The following LNX2 variants were observed in gnomAD, a reference collection of about 807,000 sequenced individuals.
LNX2 encodes ligand of Numb protein X 2.
LNX2 carries 35 observed loss-of-function variants against 66.2 expected under a neutral mutation model. That is an observed-to-expected ratio of 0.53 (90% CI 0.40 to 0.70). The LOEUF (loss-of-function observed/expected upper bound fraction) is 0.70, where lower values mean the gene tolerates loss of function less well. LNX2 is among the 30% of genes least tolerant of loss of function. The probability of loss-of-function intolerance (pLI) is 0.00; values close to 1 mark genes in which losing one functional copy is unlikely to be tolerated. For synonymous variants in LNX2, 337 were observed against 315.6 expected, an observed-to-expected ratio of 1.07 and a Z score of -0.72; for missense variants, 791 against 850.8, an observed-to-expected ratio of 0.93 and a Z score of 0.87.
chr13:27,585,986 G>A (rs1055339617), intron 1 of LNX2, among the ~76,000 whole-genome samples: 14 of 106,582 alleles, frequency 1.3e-4, no homozygotes, highest in African/African-American at 5.9e-4. Flanking sequence ...TAAAGAATAA[G>A]TGTATATATA....
intron 2 of LNX2, among the ~76,000 whole-genome samples, chr13:27,572,128 A>C (rs569208170): frequency 6.6e-6 from 1 of 152,320 alleles, no homozygotes; most frequent in East Asian, 1.9e-4. Flanking sequence ...TATAAATTGA[A>C]TTTCTTCTAA....
intron 1 of LNX2, among the ~76,000 whole-genome samples, chr13:27,597,936 T>C (rs915529521): frequency 6.6e-6 from 1 of 152,154 alleles, no homozygotes; most frequent in Admixed American, 6.5e-5. Flanking sequence ...AATATAAGAA[T>C]TTCCTGGTAT....
chr13:27,575,669 G>A (rs1955333996), intron 2 of LNX2, among the ~76,000 whole-genome samples: 1 of 152,102 alleles, frequency 6.6e-6, no homozygotes, highest in Non-Finnish European at 1.5e-5. Context: ...GCAGAGAGCA[G>A]AACGTGTAAT....
At chr13:27,552,317 A>C (rs1222570752) in intron 8 of LNX2, among the ~76,000 whole-genome samples, 3 of 152,214 alleles carry the variant, frequency 2.0e-5, no homozygotes, top group African/African-American at 4.8e-5. Context: ...CAGCCACTGC[A>C]CGAGTAGACC....
At chr13:27,618,917 C>T (rs1457863445) in intron 1 of LNX2, among the ~76,000 whole-genome samples, 1 of 152,214 alleles carries the variant, frequency 6.6e-6, no homozygotes, top group Non-Finnish European at 1.5e-5. Flanking sequence ...GGTCTCCAGG[C>T]AGAAATGCTC....
chr13:27,550,472 C>T lies in LNX2; in HGVS notation c.1798G>A (p.Asp600Asn), dbSNP rs541323662. 64 of 1,613,554 alleles carry T rather than the reference C, an allele frequency of 4.0e-5. No individual in the cohort carries two copies. In the Admixed American group the frequency reaches 7.0e-4, roughly 18 times the overall value. ...AAGTAACTTCTTCGTAAAACTATAT[C>T]GTGGCAGCTATGAAGTGTGCTATAA... ...GLPSTLHSCH[D>N]IVLRRSYLGS... is the part of the protein sequence containing the mutation. The change falls in exon 9 of 10, where the codon GAT (aspartate) becomes AAT (asparagine). Residue 600 changes from aspartate to asparagine, a missense_variant. By Grantham distance (23) the Asp-to-Asn change is conservative. Transcript: ENST00000316334.
At chr13:27,574,668 T>C (rs570253342) in intron 2 of LNX2, among the ~76,000 whole-genome samples, 1 of 152,248 alleles carries the variant, frequency 6.6e-6, no homozygotes, top group South Asian at 2.1e-4. Context: ...GCCAAAAATC[T>C]TCCCAAATTT....
Position 27,581,727 on chromosome 13 carries a change from T to C in LNX2, c.-24A>G, listed in dbSNP as rs1566124020. ...ATTTTGAATCAATTCTGTATCCTCA[T>C]GTGTTAGACTTCCACTTCACGCTTG... On this transcript the variant is annotated 5_prime_UTR_variant, in exon 2 of 10. It removes an upstream start codon present in the reference 5' UTR. Coordinates refer to ENST00000316334, the MANE Select transcript of LNX2 (RefSeq NM_153371.4). The C allele has an allele frequency of 6.4e-7, 1 of 1,552,884 alleles. No individual in the cohort carries two copies. The highest frequency in any genetic ancestry group is 8.7e-7 in the Non-Finnish European group (1 of 1,149,012).
Position 27,577,062 on chromosome 13 carries a change from G to T in LNX2, c.407+4235C>A, listed in dbSNP as rs932393230. Among the ~76,000 whole-genome samples the T allele has an allele frequency of 2.0e-5, 3 of 152,124 alleles. No individual in the cohort carries two copies. In the South Asian group the frequency reaches 6.2e-4, roughly 31 times the overall value. ...ATATCTGGTAAGGGTCTAGTATCCA[G>T]AATACATAGAAAATTCTTACAACTT... On this transcript the variant is annotated intron_variant, in intron 2 of 9. Transcript: ENST00000316334.
chr13:27,598,685 G>A (rs959693590), intron 1 of LNX2, among the ~76,000 whole-genome samples: 34 of 152,122 alleles, frequency 2.2e-4, no homozygotes, highest in African/African-American at 7.5e-4. Context: ...ATGGAAACAT[G>A]ATTCAAATCA....
chr13:27,601,735 G>A (rs1311720422), intron 1 of LNX2, among the ~76,000 whole-genome samples: 1 of 152,072 alleles, frequency 6.6e-6, no homozygotes, highest in East Asian at 1.9e-4. Context: ...CATCTAGGGT[G>A]GAGTGTAGTG....
At position 27,619,967 on chromosome 13, in the gene LNX2, C is replaced by T. The variant is rs1955875861; in HGVS notation, c.-101+408G>A. On this transcript the variant is annotated intron_variant, in intron 1 of 9. Transcript: ENST00000316334. Reference sequence around the variant, plus strand: ...CAAAACCCGATAAAGGCAGCTAGTGCCACTCTCATTGCCGACACCACACAC... The same window carrying T: ...CAAAACCCGATAAAGGCAGCTAGTGTCACTCTCATTGCCGACACCACACAC... 3.3e-5 allele frequency among the ~76,000 whole-genome samples: 5 copies of T among 152,286 alleles called. 1 individual carries two copies. In the South Asian group the frequency reaches 1.0e-3, roughly 32 times the overall value.
In LNX2 at chr13:27,562,657, T is replaced by A. The variant is rs1281887041; in HGVS notation, c.980A>T (p.His327Leu). Residue 327 changes from histidine (H) to leucine (L), a missense_variant, in exon 5 of 10, where the codon CAT becomes CTT. His to Leu is a moderately conservative substitution (Grantham distance 99). Transcript: ENST00000316334. The stretch of plus-strand genomic sequence containing the variant: ...TTCTCGTGGAGAGTTACTATCAGAA[T>A]GGTTGTGTGCTCGGTTGCCAAAGCG... ...ERRFGNRAHN[H>L]SDSNSPREEI... 2.5e-6 allele frequency: 4 copies of A among 1,614,162 alleles called. No individual in the cohort carries two copies. The highest frequency in any genetic ancestry group is 3.4e-6 in the Non-Finnish European group (4 of 1,180,030).
chr13:27,614,549 G>A (rs1458913527), intron 1 of LNX2, among the ~76,000 whole-genome samples: 1 of 151,924 alleles, frequency 6.6e-6, no homozygotes, highest in Non-Finnish European at 1.5e-5. Context: ...GCTGATCTGG[G>A]TAATAATAAA....
intron 1 of LNX2, among the ~76,000 whole-genome samples, chr13:27,597,043 T>C (rs892913363): frequency 1.3e-5 from 2 of 152,198 alleles, no homozygotes; most frequent in Non-Finnish European, 2.9e-5. Context: ...ATCATAAACT[T>C]CTTTATCATT....
intron 4 of LNX2, among the ~76,000 whole-genome samples, chr13:27,565,490 G>GTT (rs1955193250): frequency 6.6e-6 from 1 of 152,170 alleles, no homozygotes; most frequent in African/African-American, 2.4e-5. Context: ...GAAATGAGCT[G>GTT]TAAGAGTCGC....
chr13:27,581,272 T>C, intron 2 of LNX2, 25 bp downstream of exon 2: 1 of 1,457,276 alleles, frequency 6.9e-7, no homozygotes, highest in Non-Finnish European at 9.1e-7. Context: ...AATCTGGAGT[T>C]ACTTCTTTTA....
rs11281345 is a variant in LNX2, at chr13:27,583,261, C to CGCGCGCGCGCGCGTGT, written c.-100-1459_-100-1458insACACGCGCGCGCGCGC. On this transcript the variant is annotated intron_variant, in intron 1 of 9. Coordinates refer to ENST00000316334, the MANE Select transcript of LNX2 (RefSeq NM_153371.4). ...GTGTGTGTGTGTGTGTGTGTGCGCGCGTCCTCTCCAACATACTTATTTTTA... is the reference window on the plus strand; with the variant it reads ...GTGTGTGTGTGTGTGTGTGTGCGCGCGCGCGCGCGCGCGTGTGTCCTCTCCAACATACTTATTTTTA... Among the ~76,000 whole-genome samples, 4 of 45,480 alleles carry CGCGCGCGCGCGCGTGT rather than the reference C, an allele frequency of 8.8e-5. 2 individuals carry two copies. The highest frequency in any genetic ancestry group is 4.4e-4 in the Admixed American group (2 of 4,500). The allele number at this position is 45,480 out of a possible 152,430, so 29.8% of individuals were successfully genotyped here. A position where few individuals can be genotyped will look rare whatever the true frequency, so the allele number is the denominator to read the frequency against.
In LNX2 at chr13:27,581,812, GCAAAA is replaced by G. The variant is rs1318639758; in HGVS notation, c.-100-14_-100-10del. 2 of 826,964 alleles carry G rather than the reference GCAAAA, an allele frequency of 2.4e-6. No individual in the cohort carries two copies. The highest frequency in any genetic ancestry group is 2.8e-5 in the Admixed American group (1 of 35,110). The allele number at this position is 826,964 out of a possible 1,614,324, so 51.2% of individuals were successfully genotyped here. ...AGTCAAGGTGTGTTTTTCTAGATAA[GCAAAA>G]CAAACACATTAAAAAAGGTAATTAA... On this transcript the variant is annotated splice_polypyrimidine_tract_variant and intron_variant, in intron 1 of 9. Transcript: ENST00000316334.
Sources: allele counts gnomAD v4.1 joint callset (sites outside exome capture counted in the v4.1 genomes callset), GRCh38; gene constraint gnomAD v4.1.1; transcripts MANE v1.5; gene names NCBI Gene and HGNC (gene_info 2026-07-23, HGNC 2026-07-21).